Variants in BABAM2 observed in about 807,000 individuals in gnomAD.
BABAM2 encodes the protein BRISC and BRCA1 A complex member 2, also known as BRISC and BRCA1-A complex member 2.
A neutral mutation model predicts 54.7 loss-of-function variants in BABAM2; 31 were observed. That is an observed-to-expected ratio of 0.57 (90% CI 0.43 to 0.77). The LOEUF is 0.77. BABAM2 is among the 30% of genes least tolerant of loss of function. The pLI, the probability that BABAM2 is intolerant of heterozygous loss-of-function variation, is 0.00. For missense variants in BABAM2, 364 were observed against 455.8 expected, an observed-to-expected ratio of 0.80 and a Z score of 1.83; for synonymous variants, 167 against 162.9, an observed-to-expected ratio of 1.03 and a Z score of -0.19.
At chr2:28,185,987 G>A (rs534205897) in intron 7 of BABAM2, among the ~76,000 whole-genome samples, 3 of 152,250 alleles carry the variant, frequency 2.0e-5, no homozygotes, top group Admixed American at 2.0e-4. Flanking sequence ...AAAGCTAGTG[G>A]ATACCCAACT....
chr2:28,209,870 A>G (rs888852008), intron 7 of BABAM2, among the ~76,000 whole-genome samples: 1 of 152,202 alleles, frequency 6.6e-6, no homozygotes, highest in Non-Finnish European at 1.5e-5. Flanking sequence ...TTAGTAAAAT[A>G]ATCTTAAACT....
chr2:27,904,270 G>A (rs1573127788), intron 2 of BABAM2, among the ~76,000 whole-genome samples: 1 of 152,328 alleles, frequency 6.6e-6, no homozygotes, highest in Non-Finnish European at 1.5e-5. Context: ...AAGGGTAACT[G>A]AAATCACAGA....
At chr2:28,123,472 G>A (rs62140444) in intron 6 of BABAM2, among the ~76,000 whole-genome samples, 34,109 of 151,988 alleles carry the variant, frequency 0.22, 4,516 homozygotes, top group Middle Eastern at 0.33. Flanking sequence ...ATGTATACTT[G>A]TACGTTTTTA....
intron 3 of BABAM2, among the ~76,000 whole-genome samples, chr2:27,983,315 G>T (rs1438264412): frequency 1.3e-5 from 2 of 152,082 alleles, no homozygotes; most frequent in Non-Finnish European, 2.9e-5. Flanking sequence ...TCTGAATTCT[G>T]TTCCATTGAT....
chr2:28,170,873 A>T (rs1477017986), intron 7 of BABAM2, among the ~76,000 whole-genome samples: 1 of 152,208 alleles, frequency 6.6e-6, no homozygotes, highest in African/African-American at 2.4e-5. Context: ...ATCAAATAGG[A>T]TAAAAGGACT....
At chr2:28,240,498 G>A (rs938600635) in intron 8 of BABAM2, among the ~76,000 whole-genome samples, 2 of 152,050 alleles carry the variant, frequency 1.3e-5, no homozygotes, top group African/African-American at 4.8e-5. Flanking sequence ...ACTCAAGGAG[G>A]CACTATTTAT....
intron 11 of BABAM2, among the ~76,000 whole-genome samples, chr2:28,318,089 C>T (rs762667395): frequency 5.3e-5 from 8 of 152,186 alleles, no homozygotes; most frequent in Non-Finnish European, 1.2e-4. Flanking sequence ...ATCCAAGCAG[C>T]GATTTTGGCC....
intron 5 of BABAM2, among the ~76,000 whole-genome samples, chr2:28,033,269 A>G (rs991053253): frequency 2.0e-5 from 3 of 152,046 alleles, no homozygotes; most frequent in African/African-American, 7.2e-5. Flanking sequence ...TGCCTTGTTA[A>G]CATTTTTGTC....
chr2:27,930,040 T>C, intron 3 of BABAM2, 132 bp downstream of exon 3: 1 of 756,556 alleles, frequency 1.3e-6, no homozygotes, highest in Admixed American at 2.8e-5. Flanking sequence ...TTACCACTTT[T>C]CTTATCTGCC....
At chr2:27,900,997 T>G (rs1408725552) in intron 2 of BABAM2, among the ~76,000 whole-genome samples, 1 of 147,256 alleles carries the variant, frequency 6.8e-6, no homozygotes, top group Admixed American at 6.8e-5. Context: ...GAGCCGAGAT[T>G]GCACCACTGC....
chr2:28,096,374 CA>C (rs1215631340), intron 6 of BABAM2, among the ~76,000 whole-genome samples: 1 of 107,914 alleles, frequency 9.3e-6, no homozygotes, highest in Non-Finnish European at 1.9e-5. Flanking sequence ...TATTGTTGAT[CA>C]GCAAAAAAAA....
intron 7 of BABAM2, among the ~76,000 whole-genome samples, chr2:28,212,072 T>C (rs1383296976): frequency 6.6e-6 from 1 of 152,224 alleles, no homozygotes; most frequent in Non-Finnish European, 1.5e-5. Context: ...ACCAAATCAG[T>C]TGTCCAGCAG....
At chr2:28,052,644 T>C (rs924807525) in intron 6 of BABAM2, among the ~76,000 whole-genome samples, 1 of 152,182 alleles carries the variant, frequency 6.6e-6, no homozygotes, top group Non-Finnish European at 1.5e-5. Context: ...TGCTTAAATA[T>C]GATCATTATA....
intron 3 of BABAM2, among the ~76,000 whole-genome samples, chr2:27,983,337 T>C (rs1410983163): frequency 6.6e-6 from 1 of 152,116 alleles, no homozygotes; most frequent in East Asian, 1.9e-4. Context: ...TGTATTCCTA[T>C]CCATATTCCA....
chr2:28,300,158 C>T lies in BABAM2; in HGVS notation c.1088+1667C>T, dbSNP rs1248371552. On this transcript the variant is annotated intron_variant, in intron 11 of 11. Coordinates refer to ENST00000379624, the MANE Select transcript of BABAM2 (RefSeq NM_199191.3). ...TTTGCTATGTTGGCCAGGCTGGTCT[C>T]GGACTCCTGACCTCAGGTGATCCGC... Among the ~76,000 whole-genome samples the T allele has an allele frequency of 3.2e-4, 49 of 152,144 alleles. 2 individuals are homozygous for T. Among genetic ancestry groups the T allele is most frequent in the Non-Finnish European group, 1.0e-4 (7 of 68,012 alleles).
intron 10 of BABAM2, among the ~76,000 whole-genome samples, chr2:28,252,783 A>C (rs1292349068): frequency 6.6e-6 from 1 of 152,222 alleles, no homozygotes; most frequent in Admixed American, 6.5e-5. Flanking sequence ...TGTTGTATGA[A>C]TCTTTTCAGT....
chr2:27,972,011 A>G (rs914661583), intron 3 of BABAM2, among the ~76,000 whole-genome samples: 3 of 152,210 alleles, frequency 2.0e-5, no homozygotes, highest in Non-Finnish European at 4.4e-5. Flanking sequence ...TATGCACCGA[A>G]ATAAGTATAA....
chr2:28,311,919 G>A (rs115656312), intron 11 of BABAM2, among the ~76,000 whole-genome samples: 2,112 of 152,270 alleles, frequency 0.014, 53 homozygotes, highest in African/African-American at 0.049. Flanking sequence ...GTTGCAGAAC[G>A]TGCACACATA....
At chr2:28,000,308 G>C (rs891471805) in intron 4 of BABAM2, among the ~76,000 whole-genome samples, 5 of 151,924 alleles carry the variant, frequency 3.3e-5, no homozygotes, top group African/African-American at 4.8e-5. Flanking sequence ...TGATAACTTT[G>C]ATGGTTTTGC....
Sources: gnomAD v4.1 joint callset for allele counts (sites outside exome capture counted in the v4.1 genomes callset) on GRCh38, gnomAD v4.1.1 for gene constraint, MANE v1.5 for transcripts, NCBI Gene and HGNC (gene_info 2026-07-23, HGNC 2026-07-21) for gene names.